The following SYNE2 variants were observed in gnomAD, a reference collection of about 807,000 sequenced individuals.
SYNE2 encodes the protein nesprin-2.
A neutral mutation model predicts 856.3 loss-of-function variants in SYNE2; 431 were observed. That is an observed-to-expected ratio of 0.50 (90% CI 0.47 to 0.55). SYNE2 has a LOEUF of 0.55. Among genes scored for constraint, SYNE2 ranks in the 20% least tolerant of loss-of-function variants. The probability of loss-of-function intolerance (pLI) is 0.00; values close to 1 mark genes in which losing one functional copy is unlikely to be tolerated. For synonymous variants in SYNE2, 2,923 were observed against 2,872.3 expected (o/e 1.02, Z -0.56); for missense variants, 8,129 against 8,023.2 (o/e 1.01, Z -0.50).
intron 45 of SYNE2, among the ~76,000 whole-genome samples, chr14:64,034,023 TTAGTC>T (rs1226351138): frequency 1.3e-5 from 2 of 152,186 alleles, no homozygotes; most frequent in African/African-American, 4.8e-5. Context: ...TTATATAACA[TTAGTC>T]TATTAAGGTC....
intron 2 of SYNE2, among the ~76,000 whole-genome samples, chr14:63,935,087 A>G (rs1174100646): frequency 1.3e-5 from 2 of 152,106 alleles, no homozygotes. Context: ...GGGACAAAAC[A>G]ATGAAAACAT....
chr14:64,156,182 G>A (rs1380359608), intron 85 of SYNE2, among the ~76,000 whole-genome samples: 1 of 152,072 alleles, frequency 6.6e-6, no homozygotes, highest in Non-Finnish European at 1.5e-5. Context: ...CAAACCTCAT[G>A]TACTGTGTCT....
intron 99 of SYNE2, among the ~76,000 whole-genome samples, chr14:64,199,980 T>G (rs1460515735): frequency 6.6e-6 from 1 of 151,980 alleles, no homozygotes; most frequent in Non-Finnish European, 1.5e-5. Context: ...TTCCCCCACC[T>G]TCTCCATACC....
intron 21 of SYNE2, among the ~76,000 whole-genome samples, chr14:63,991,932 G>A (rs1046550430): frequency 7.3e-5 from 11 of 149,710 alleles, no homozygotes; most frequent in African/African-American, 2.5e-4. Flanking sequence ...TTCTCATCAC[G>A]GCCTCTGTCT....
intron 1 of SYNE2, among the ~76,000 whole-genome samples, chr14:63,906,871 A>G (rs892617175): frequency 2.0e-5 from 3 of 152,208 alleles, no homozygotes; most frequent in Non-Finnish European, 2.9e-5. Context: ...AGAAGATTCA[A>G]TGTCTGATGA....
intron 49 of SYNE2, among the ~76,000 whole-genome samples, chr14:64,057,113 C>A (rs1219672054): frequency 6.6e-6 from 1 of 152,022 alleles, no homozygotes; most frequent in East Asian, 1.9e-4. Flanking sequence ...AAGCATTTAT[C>A]TTTTGTGTTA....
Position 64,049,832 on chromosome 14 carries a change from A to G in SYNE2, c.7599A>G (p.Glu2533=). The change falls in exon 47 of 116, where the codon GAA becomes GAG. Residue 2533 remains glutamate (E), a synonymous_variant. Coordinates refer to ENST00000555002, the MANE Select transcript of SYNE2 (RefSeq NM_182914.3). ...TTCAGGAATACCTTGCTGCAGTTGA[A>G]TCTTCAATGAAAGCCTTGTTGACAG... The part of the protein sequence containing the change: ...RDFQEYLAAV[E]SSMKALLTDK... The G allele has an allele frequency of 6.2e-7, 1 of 1,614,152 alleles. No homozygotes were observed. Among genetic ancestry groups the G allele is most frequent in the South Asian group, 1.1e-5 (1 of 91,080 alleles).
At chr14:64,157,576 G>A (rs368982724) in intron 85 of SYNE2, among the ~76,000 whole-genome samples, 12 of 151,804 alleles carry the variant, frequency 7.9e-5, no homozygotes, top group South Asian at 2.1e-4. Context: ...GTGAACATAC[G>A]CTTTTAATTC....
chr14:63,855,375 G>A (rs1891445359), intron 1 of SYNE2, among the ~76,000 whole-genome samples: 1 of 152,158 alleles, frequency 6.6e-6, no homozygotes, highest in African/African-American at 2.4e-5. Flanking sequence ...GCAAAGACCT[G>A]ACAGTGGCTC....
intron 98 of SYNE2, chr14:64,189,020 G>A (rs1486876438): frequency 1.4e-6 from 1 of 701,954 alleles, no homozygotes; most frequent in Admixed American, 2.0e-5. Flanking sequence ...GTGAGTTAGG[G>A]TTTCTCTAGT....
chr14:64,209,061 T>A, intron 101 of SYNE2, 116 bp downstream of exon 101: 1 of 1,328,038 alleles, frequency 7.5e-7, no homozygotes, highest in Non-Finnish European at 1.0e-6. Flanking sequence ...CGCCAGGTAT[T>A]GGCAGAGAAG....
chr14:64,053,234 A>G lies in SYNE2; in HGVS notation c.9321A>G (p.Glu3107=), dbSNP rs757207530. 28 of 1,612,170 alleles carry G rather than the reference A, an allele frequency of 1.7e-5. No homozygotes were observed. In the South Asian group the frequency reaches 2.9e-4, roughly 17 times the overall value. Residue 3107 remains glutamate (E), a synonymous_variant, in exon 48 of 116, where the codon GAA becomes GAG. Coordinates refer to ENST00000555002, the MANE Select transcript of SYNE2 (RefSeq NM_182914.3). ...ATGAGATAATAAAGAAATTAAATGAAAATAAGACCTTTGATGACTCATTCA... is the reference window on the plus strand; with the variant it reads ...ATGAGATAATAAAGAAATTAAATGAGAATAAGACCTTTGATGACTCATTCA... The part of the protein sequence containing the change: ...LCDEIIKKLN[E]NKTFDDSFKE...
In SYNE2 at chr14:64,146,188, G is replaced by A. The variant is rs1278831295; in HGVS notation, c.15604G>A (p.Val5202Met). ...GAAAACTTTACAAAAACCTGAAAGT[G>A]TGATCTCAGTGCAGAAGCTGCTCCT... ...RLKTLQKPES[V>M]ISVQKLLLDC... is the part of the protein sequence containing the mutation. Residue 5202 changes from valine (V) to methionine (M), a missense_variant, in exon 84 of 116, where the codon GTG (valine) becomes ATG (methionine). Coordinates refer to ENST00000555002, the MANE Select transcript of SYNE2 (RefSeq NM_182914.3). 1 of 1,612,968 alleles carries A rather than the reference G, an allele frequency of 6.2e-7. No homozygotes were observed. The highest frequency in any genetic ancestry group is 1.1e-5 in the South Asian group (1 of 90,790).
At chr14:64,183,412 G>A (rs1192201688) in intron 96 of SYNE2, among the ~76,000 whole-genome samples, 2 of 151,796 alleles carry the variant, frequency 1.3e-5, no homozygotes, top group African/African-American at 4.9e-5. Context: ...GCCAGGAAGA[G>A]GCGCTCCTCA....
rs1204996902 is a variant in SYNE2 at position 64,122,067 on chromosome 14, A to G, written c.13214A>G (p.Asn4405Ser). ...QKDFIKFIEF[N>S]AKKMWPQYCQ... Reference sequence around the variant, plus strand: ...GATTTCATCAAATTCATAGAATTTAATGCTAAGAAAATGTGGCCCCAGTAT... The same window carrying G: ...GATTTCATCAAATTCATAGAATTTAGTGCTAAGAAAATGTGGCCCCAGTAT... The change falls in exon 69 of 116, where the codon AAT becomes AGT. Residue 4405 changes from asparagine to serine, a missense_variant. Around this residue, in one of 3 missense-constraint regions of SYNE2, gnomAD observed 5,410 missense variants for 5,284.8 expected, o/e 1.02. Transcript: ENST00000555002. The G allele has an allele frequency of 6.2e-7, 1 of 1,614,066 alleles. No individual in the cohort carries two copies. The highest frequency in any genetic ancestry group is 1.7e-5 in the Admixed American group (1 of 60,018).
intron 2 of SYNE2, among the ~76,000 whole-genome samples, chr14:63,909,658 A>G (rs1025528416): frequency 2.0e-5 from 3 of 152,138 alleles, no homozygotes; most frequent in African/African-American, 7.2e-5. Context: ...CCTGACCAAC[A>G]TGGGGAAACC....
chr14:64,173,427 C>T lies in SYNE2; in HGVS notation c.17236-1517C>T, dbSNP rs145628567. ...TGTTTCTCTTATTTGTGTGCTGCTC[C>T]TGAGGGTGCATTTGGCTTTCCTCCT... On this transcript the variant is annotated intron_variant, in intron 94 of 115. Coordinates refer to ENST00000555002, the MANE Select transcript of SYNE2 (RefSeq NM_182914.3). 5.1e-4 allele frequency among the ~76,000 whole-genome samples: 77 copies of T among 152,226 alleles called. 1 individual carries two copies. The East Asian group carries it at 0.015, about 29-fold the overall frequency.
intron 85 of SYNE2, 37 bp downstream of exon 85, chr14:64,152,753 A>C (rs1442611176): frequency 6.2e-7 from 1 of 1,612,604 alleles, no homozygotes; most frequent in Non-Finnish European, 8.5e-7. Flanking sequence ...ATTTCTCTTC[A>C]CATATTCTTT....
chr14:64,021,735 G>C (rs1449633618), intron 36 of SYNE2, 122 bp from the exon 37 acceptor site: 10 of 1,132,416 alleles, frequency 8.8e-6, no homozygotes, highest in Non-Finnish European at 9.1e-6. Context: ...CTAGCAAAGA[G>C]AAAGTGAATC....
Sources: allele counts gnomAD v4.1 joint callset (sites outside exome capture counted in the v4.1 genomes callset), GRCh38; gene constraint gnomAD v4.1.1; regional missense constraint gnomAD v4.1.1; transcripts MANE v1.5; gene names NCBI Gene and HGNC (gene_info 2026-07-23, HGNC 2026-07-21).